The following TRAF2 variants were observed in gnomAD, a reference collection of about 807,000 sequenced individuals.
TRAF2 encodes the protein TNF receptor associated factor 2, also known as TNF receptor-associated factor 2.
A neutral mutation model predicts 55.6 loss-of-function variants in TRAF2; 6 were observed. That is an observed-to-expected ratio of 0.11 (90% CI 0.06 to 0.21). The LOEUF is 0.21. Ranked by LOEUF, TRAF2 falls within the 10% of genes least tolerant of loss-of-function variation. TRAF2 has a pLI of 1.00. For synonymous variants in TRAF2, 329 were observed against 276.3 expected, an observed-to-expected ratio of 1.19 and a Z score of -1.89; for missense variants, 561 against 684.5, an observed-to-expected ratio of 0.82 and a Z score of 2.01.
chr9:136,911,637 A>C (rs1850108863), intron 6 of TRAF2, among the ~76,000 whole-genome samples: 1 of 152,032 alleles, frequency 6.6e-6, no homozygotes, highest in Admixed American at 6.6e-5. Flanking sequence ...TCTGAGAATG[A>C]ATCTCTTGGG....
intron 4 of TRAF2, among the ~76,000 whole-genome samples, chr9:136,901,340 G>C (rs1849815868): frequency 4.6e-5 from 7 of 152,212 alleles, no homozygotes; most frequent in Admixed American, 4.6e-4. Context: ...TGTCCACAGA[G>C]CCCAAAGGTA....
chr9:136,895,935 G>A (rs970610698), intron 1 of TRAF2, among the ~76,000 whole-genome samples: 1 of 151,986 alleles, frequency 6.6e-6, no homozygotes, highest in East Asian at 1.9e-4. Context: ...CCTCTTGGGA[G>A]GGGACTCTGG....
At chr9:136,892,392 C>T (rs556946850) in intron 1 of TRAF2, among the ~76,000 whole-genome samples, 3 of 151,286 alleles carry the variant, frequency 2.0e-5, no homozygotes, top group Admixed American at 1.3e-4. Flanking sequence ...TGAACCTGGG[C>T]GGTGGAGGTT....
upstream of TRAF2, among the ~76,000 whole-genome samples, chr9:136,885,565 C>A (rs1006432074): frequency 6.6e-6 from 1 of 152,184 alleles, no homozygotes; most frequent in Admixed American, 6.5e-5. Context: ...GTCGGGAGTT[C>A]AAGACCAGCC....
In TRAF2 at chr9:136,899,637, T is replaced by C. The variant is rs771120183; in HGVS notation, c.232T>C (p.Tyr78His). Residue 78 changes from tyrosine to histidine, a missense_variant, in exon 3 of 11, where the codon TAT becomes CAT. By Grantham distance (83) the Tyr-to-His change is moderately conservative (BLOSUM62 2). This residue lies in a region of TRAF2 where 426 missense variants were observed against 476.8 expected (regional missense o/e 0.89). Transcript: ENST00000247668. ...TGCTGCCTGTGTTCACGAGGGCATATATGAAGAAGGCATTTCTATTTTAGA... is the reference window on the plus strand; with the variant it reads ...TGCTGCCTGTGTTCACGAGGGCATACATGAAGAAGGCATTTCTATTTTAGA... ...NCAACVHEGI[Y>H]EEGISILESS... The C allele has an allele frequency of 6.2e-7, 1 of 1,613,350 alleles. No homozygotes were observed. Among genetic ancestry groups the C allele is most frequent in the Admixed American group, 1.7e-5 (1 of 60,006 alleles).
chr9:136,886,619 G>C, intron 1 of TRAF2, 78 bp downstream of exon 1: 1 of 954,266 alleles, frequency 1.0e-6, no homozygotes. Context: ...GGGGTCGGGC[G>C]CAGGCGCGGG....
At chr9:136,887,533 G>T (rs2131270235) in intron 1 of TRAF2, among the ~76,000 whole-genome samples, 1 of 152,314 alleles carries the variant, frequency 6.6e-6, no homozygotes, top group Middle Eastern at 3.4e-3. Flanking sequence ...CTGGCAGCCG[G>T]TGAAGACGGG....
intron 4 of TRAF2, among the ~76,000 whole-genome samples, chr9:136,907,620 C>T (rs773959417): frequency 3.9e-5 from 6 of 152,204 alleles, no homozygotes. Flanking sequence ...ACACCTCCCA[C>T]CTGCAATGAG....
chr9:136,898,691 C>A (rs12682696), intron 1 of TRAF2, 22 bp from the exon 2 acceptor site: 2 of 1,610,240 alleles, frequency 1.2e-6, no homozygotes, highest in Non-Finnish European at 1.7e-6. Flanking sequence ...TGAGGTGTAA[C>A]GTGCTGTGTG....
At chr9:136,894,710 G>A (rs969202923) in intron 1 of TRAF2, among the ~76,000 whole-genome samples, 4 of 152,170 alleles carry the variant, frequency 2.6e-5, no homozygotes, top group Non-Finnish European at 5.9e-5. Flanking sequence ...TTGTGGGTAT[G>A]AAGGAGGAGC....
chr9:136,882,170 A>C (rs1849382539), upstream of TRAF2: 2 of 508,992 alleles, frequency 3.9e-6, no homozygotes, highest in Non-Finnish European at 5.1e-6. Flanking sequence ...CCTGAGTAAA[A>C]GGACATGAGG....
At chr9:136,886,377 G>GT, upstream of TRAF2, 1 of 985,722 alleles carries the variant, frequency 1.0e-6, no homozygotes, top group Non-Finnish European at 1.2e-6. Flanking sequence ...CGCGCTCGGA[G>GT]CGGGGCGTAT....
chr9:136,922,716 C>T (rs1243917521), intron 9 of TRAF2, among the ~76,000 whole-genome samples: 9 of 90,176 alleles, frequency 1.0e-4, no homozygotes, highest in Admixed American at 4.3e-4. Context: ...GGCCTGGGCA[C>T]GTGGTGGAGG....
At chr9:136,894,306 A>C (rs142829454) in intron 1 of TRAF2, among the ~76,000 whole-genome samples, 1 of 152,040 alleles carries the variant, frequency 6.6e-6, no homozygotes, top group Non-Finnish European at 1.5e-5. Context: ...CGGCCTCCCA[A>C]AGTGCTGGGA....
At chr9:136,891,341 C>T (rs942247005) in intron 1 of TRAF2, among the ~76,000 whole-genome samples, 15 of 151,942 alleles carry the variant, frequency 9.9e-5, no homozygotes, top group African/African-American at 2.7e-4. Context: ...AACTCCTGAC[C>T]TCATGATCCG....
intron 6 of TRAF2, among the ~76,000 whole-genome samples, chr9:136,916,007 G>A (rs1002872773): frequency 1.3e-5 from 2 of 152,136 alleles, no homozygotes; most frequent in Non-Finnish European, 2.9e-5. Context: ...TTTTCCTCGG[G>A]CTGTTCCTGC....
At chr9:136,890,336 T>C (rs1215253048) in intron 1 of TRAF2, 1 of 152,254 alleles carries the variant, frequency 6.6e-6, no homozygotes, top group African/African-American at 2.4e-5. Flanking sequence ...AGCAGCACAT[T>C]GTTCGTTTCC....
rs536063604 is a variant in TRAF2, at chr9:136,909,401, C to T, written c.529-519C>T. Among the ~76,000 whole-genome samples, 4 of 152,284 alleles carry T rather than the reference C, an allele frequency of 2.6e-5. No individual in the cohort carries two copies. The East Asian group carries it at 7.7e-4, about 29-fold the overall frequency. ...CTCTCTCTGCCTCTGGGGCCCATGG[C>T]ATCTTTTTTCCTGGGCTCTTGTCCT... is the stretch of plus-strand genomic sequence containing the variant. On this transcript the variant is annotated intron_variant, in intron 5 of 10. Transcript: ENST00000247668.
rs113320580 is a variant in TRAF2 at position 136,916,623 on chromosome 9, G to A, written c.678+8G>A. 4.3e-4 allele frequency: 699 copies of A among 1,612,282 alleles called. 5 individuals are homozygous for A. Among genetic ancestry groups the A allele is most frequent in the Middle Eastern group, 3.5e-3 (21 of 6,054 alleles). Reference sequence around the variant, plus strand: ...ATCGGCTGCCTCGAGACGGTGAGTCGGGGGGTCTGAGGTTGGGGGCCACCC... The same window carrying A: ...ATCGGCTGCCTCGAGACGGTGAGTCAGGGGGTCTGAGGTTGGGGGCCACCC... On this transcript the variant is annotated splice_region_variant and intron_variant, in intron 7 of 10. Coordinates refer to ENST00000247668, the MANE Select transcript of TRAF2 (RefSeq NM_021138.4).
Sources: allele counts gnomAD v4.1 joint callset (sites outside exome capture counted in the v4.1 genomes callset), GRCh38; gene constraint gnomAD v4.1.1; regional missense constraint gnomAD v4.1.1; transcripts MANE v1.5; gene names NCBI Gene and HGNC (gene_info 2026-07-23, HGNC 2026-07-21).